Variants in BOD1L1 observed in about 807,000 individuals in gnomAD.
BOD1L1 encodes biorientation of chromosomes in cell division 1 like 1.
A neutral mutation model predicts 240.7 loss-of-function variants in BOD1L1; 86 were observed. The ratio of observed to expected loss-of-function variants is 0.36; its 90% CI spans 0.30 to 0.43. The LOEUF (loss-of-function observed/expected upper bound fraction) is 0.43. Among genes scored for constraint, BOD1L1 ranks in the 20% least tolerant of loss-of-function variants. The probability of loss-of-function intolerance (pLI) is 1.00; values close to 1 mark genes in which losing one functional copy is unlikely to be tolerated. For missense variants in BOD1L1, 3,554 were observed against 3,643.5 expected, an observed-to-expected ratio of 0.98 and a Z score of 0.63; for synonymous variants, 1,268 against 1,272.3, an observed-to-expected ratio of 1.00 and a Z score of 0.07.
intron 2 of BOD1L1, among the ~76,000 whole-genome samples, chr4:13,619,180 TG>T (rs1402858526): frequency 6.6e-6 from 1 of 151,652 alleles, no homozygotes; most frequent in Admixed American, 6.6e-5. Flanking sequence ...AACGATAAGC[TG>T]GGCATGGTGG....
intron 7 of BOD1L1, 141 bp from the exon 8 acceptor site, chr4:13,608,809 A>G (rs1184438830): frequency 3.2e-6 from 2 of 631,168 alleles, no homozygotes; most frequent in African/African-American, 1.9e-5. Flanking sequence ...AATAGATATA[A>G]TATTTTGGAT....
Position 13,601,849 on chromosome 4 carries a change from A to C in BOD1L1, c.5051T>G (p.Val1684Gly), listed in dbSNP as rs557308663. The change falls in exon 10 of 26, where the codon GTT (valine) becomes GGT (glycine). Residue 1684 changes from valine to glycine, a missense_variant. Physicochemically the swap from Val to Gly is moderately radical, Grantham distance 109 (BLOSUM62 -3). Transcript: ENST00000040738. ...VEGTITFISE[V>G]ESDGAVTSAG... ...ACTTGTAACTGCTCCATCACTTTCA[A>C]CTTCACTAATAAAAGTAATAGTTCC... 9 of 1,613,716 alleles carry C rather than the reference A, an allele frequency of 5.6e-6. No homozygotes were observed. Among genetic ancestry groups the C allele is most frequent in the Non-Finnish European group, 7.6e-6 (9 of 1,179,814 alleles).
rs1435099668 is a variant in BOD1L1, at chr4:13,603,729, A to C, written c.3171T>G (p.Gly1057=). 1 of 1,613,808 alleles carries C rather than the reference A, an allele frequency of 6.2e-7. No individual in the cohort carries two copies. Among genetic ancestry groups the C allele is most frequent in the East Asian group, 2.2e-5 (1 of 44,872 alleles). The change falls in exon 10 of 26, where the codon GGT becomes GGG. Residue 1057 remains glycine, a synonymous_variant. Transcript: ENST00000040738. ...EVDSSHEKAR[G]NSSLMEKKLS... is the part of the protein sequence containing the mutation. ...ATTTCTTTTCCATGAGTGAACTATTACCTCTGGCCTTTTCATGACTACTGT... is the reference window on the plus strand; with the variant it reads ...ATTTCTTTTCCATGAGTGAACTATTCCCTCTGGCCTTTTCATGACTACTGT...
At chr4:13,605,827 C>T (rs1691674164) in intron 9 of BOD1L1, among the ~76,000 whole-genome samples, 1 of 152,080 alleles carries the variant, frequency 6.6e-6, no homozygotes, top group African/African-American at 2.4e-5. Context: ...CAATAACGCA[C>T]AGTAACCATA....
chr4:13,582,766 T>A, intron 17 of BOD1L1, 30 bp from the exon 18 acceptor site: 3 of 1,464,856 alleles, frequency 2.0e-6, no homozygotes, highest in Non-Finnish European at 2.9e-6. Flanking sequence ...GACTAGAACC[T>A]TCTTCAAACT....
At chr4:13,614,904 T>G (rs1716466001) in intron 3 of BOD1L1, 94 bp from the exon 4 acceptor site, 5 of 1,283,186 alleles carry the variant, frequency 3.9e-6, no homozygotes, top group Non-Finnish European at 1.1e-6. Flanking sequence ...CTTTATATGA[T>G]GCATATGCTG....
At chr4:13,610,591 T>C (rs998149368) in intron 6 of BOD1L1, among the ~76,000 whole-genome samples, 7 of 152,260 alleles carry the variant, frequency 4.6e-5, no homozygotes, top group African/African-American at 1.7e-4. Flanking sequence ...TATGTGCATA[T>C]ACATATAAGA....
chr4:13,582,776 T>G, intron 17 of BOD1L1, 40 bp from the exon 18 acceptor site: 1 of 1,406,710 alleles, frequency 7.1e-7, no homozygotes, highest in Non-Finnish European at 1.0e-6. Flanking sequence ...TTCTTCAAAC[T>G]GAAGCCTTCG....
chr4:13,582,207 GAACA>G (rs762598204), intron 19 of BOD1L1, 26 bp downstream of exon 19: 2 of 1,569,500 alleles, frequency 1.3e-6, no homozygotes, highest in South Asian at 1.1e-5. Context: ...AAATAATTGT[GAACA>G]AACAAATACG....
chr4:13,624,968 C>T (rs1295073920), intron 1 of BOD1L1: 4 of 152,214 alleles, frequency 2.6e-5, no homozygotes, highest in African/African-American at 4.8e-5. Flanking sequence ...GAATCTTCTA[C>T]TTTGGCCCAC....
rs1715538266 is a variant in BOD1L1, at chr4:13,604,693, T to G, written c.2207A>C (p.Glu736Ala). The change falls in exon 10 of 26, where the codon GAA becomes GCA. Residue 736 changes from glutamate (E) to alanine (A), a missense_variant. Coordinates refer to ENST00000040738, the MANE Select transcript of BOD1L1 (RefSeq NM_148894.3). ...EKPEREKTPS[E>A]DKLSVKHKYK... Reference sequence around the variant, plus strand: ...TTTATGTTTCACAGACAATTTGTCTTCCGATGGAGTTTTCTCTCTTTCAGG... The same window carrying G: ...TTTATGTTTCACAGACAATTTGTCTGCCGATGGAGTTTTCTCTCTTTCAGG... 1 of 1,594,818 alleles carries G rather than the reference T, an allele frequency of 6.3e-7. No homozygotes were observed. Among genetic ancestry groups the G allele is most frequent in the Non-Finnish European group, 8.5e-7 (1 of 1,175,402 alleles).
At chr4:13,616,982 C>T (rs1245686033) in intron 2 of BOD1L1, among the ~76,000 whole-genome samples, 1 of 152,174 alleles carries the variant, frequency 6.6e-6, no homozygotes, top group Non-Finnish European at 1.5e-5. Flanking sequence ...CATGGTGGCT[C>T]ACGCCTGTAA....
Position 13,613,624 on chromosome 4 carries a change from T to C in BOD1L1, c.1212A>G (p.Thr404=). 1 of 1,596,574 alleles carries C rather than the reference T, an allele frequency of 6.3e-7. No homozygotes were observed. ...TATGAACAGAGCTAACTGTGATGTCTGTAAGTCCATCCACATCAGAATCTA... is the reference window on the plus strand; with the variant it reads ...TATGAACAGAGCTAACTGTGATGTCCGTAAGTCCATCCACATCAGAATCTA... ...SLIDSDVDGL[T]DITVSSVHTS... The change falls in exon 5 of 26, where the codon ACA becomes ACG. Residue 404 remains threonine, a synonymous_variant. Transcript: ENST00000040738. The surrounding 1 kb of genome is among the most constrained non-coding windows in gnomAD (Gnocchi z 4.0).
At chr4:13,610,586 G>A (rs1016258266) in intron 6 of BOD1L1, among the ~76,000 whole-genome samples, 2 of 152,184 alleles carry the variant, frequency 1.3e-5, no homozygotes, top group Admixed American at 6.5e-5. Flanking sequence ...CAGGCTATGT[G>A]CATATACATA....
At chr4:13,579,997 A>C (rs200035043) in intron 21 of BOD1L1, 24 bp from the exon 22 acceptor site, 84 of 1,510,012 alleles carry the variant, frequency 5.6e-5, no homozygotes, top group Admixed American at 1.4e-4. Flanking sequence ...AACAAACAAA[A>C]AAAAATTTTA....
intron 1 of BOD1L1, among the ~76,000 whole-genome samples, chr4:13,621,866 C>CTTTTT (rs144306218): frequency 9.2e-6 from 1 of 108,964 alleles, no homozygotes; most frequent in African/African-American, 3.3e-5. Flanking sequence ...AAAATTAATT[C>CTTTTT]TTTTTTTTTT....
Position 13,600,550 on chromosome 4 carries a change from G to T in BOD1L1, c.6350C>A (p.Ala2117Asp), listed in dbSNP as rs754631343. 3.7e-6 allele frequency: 6 copies of T among 1,613,246 alleles called. No homozygotes were observed. In the African/African-American group the frequency reaches 8.0e-5, roughly 22 times the overall value. ...GTRVTTEEFE[A>D]PMPSAVSGDD... ...TCCTGAGACTGCACTGGGCATGGGG[G>T]CCTCAAATTCTTCTGTGGTTACTCT... The change falls in exon 10 of 26, where the codon GCC becomes GAC. Residue 2117 changes from alanine to aspartate, a missense_variant. Ala to Asp is a moderately radical substitution (Grantham distance 126, BLOSUM62 -2). Transcript: ENST00000040738.
Position 13,602,062 on chromosome 4 carries a change from C to T in BOD1L1, c.4838G>A (p.Gly1613Glu). The T allele has an allele frequency of 6.2e-7, 1 of 1,614,036 alleles. No homozygotes were observed. The highest frequency in any genetic ancestry group is 8.5e-7 in the Non-Finnish European group (1 of 1,179,892). Residue 1613 changes from glycine (G) to glutamate (E), a missense_variant, in exon 10 of 26, where the codon GGG (glycine) becomes GAG (glutamate). Physicochemically the swap from Gly to Glu is moderately conservative, Grantham distance 98. Around this residue, in one of 2 missense-constraint regions of BOD1L1, gnomAD observed 3,393 missense variants for 3,427.1 expected, o/e 0.99. Transcript: ENST00000040738. ...AGCCACAGCACACTCCCCACTTTCC[C>T]CTTCCTTAGTGCTTGTGAGGAAGGT... ...SETFLTSTKE[G>E]ESGECAVAES...
At position 13,605,165 on chromosome 4, in the gene BOD1L1, T is replaced by TA. The variant is rs924806082; in HGVS notation, c.1816-82dup. 2.6e-5 allele frequency: 32 copies of TA among 1,230,556 alleles called. No homozygotes were observed. In the Middle Eastern group the frequency reaches 8.1e-4, roughly 31 times the overall value. 76.2% of individuals were successfully genotyped at this position (1,230,556 alleles called of 1,614,324 possible). A position where few individuals can be genotyped will look rare whatever the true frequency, so the allele number is the denominator to read the frequency against. On this transcript the variant is annotated intron_variant, in intron 9 of 25. Coordinates refer to ENST00000040738, the MANE Select transcript of BOD1L1 (RefSeq NM_148894.3). Reference sequence around the variant, plus strand: ...AAACATAACATTTGGGTGGATTTAATATGTTGAGTGCTGTCACATATGTAA... The same window carrying TA: ...AAACATAACATTTGGGTGGATTTAATAATGTTGAGTGCTGTCACATATGTAA...
Sources: allele counts gnomAD v4.1 joint callset (sites outside exome capture counted in the v4.1 genomes callset), GRCh38; gene constraint gnomAD v4.1.1; regional missense constraint gnomAD v4.1.1; non-coding constraint Gnocchi (gnomAD v3.1); transcripts MANE v1.5; gene names NCBI Gene and HGNC (gene_info 2026-07-23, HGNC 2026-07-21).